ARHGEF3: variants seen among roughly 807,000 people sequenced by gnomAD.
The protein encoded by ARHGEF3 is 59.8 kDA protein.
In ARHGEF3, 28 loss-of-function variants were observed where a neutral mutation model predicts 63.2. That is an observed-to-expected ratio of 0.44 (90% CI 0.33 to 0.61). ARHGEF3 has a LOEUF of 0.61. Ranked by LOEUF, ARHGEF3 falls within the 20% of genes least tolerant of loss-of-function variation. The probability of loss-of-function intolerance (pLI) is 0.03; values close to 1 mark genes in which losing one functional copy is unlikely to be tolerated. For missense variants in ARHGEF3, 533 were observed against 659.3 expected (o/e 0.81, Z 2.10); for synonymous variants, 266 against 254.2 (o/e 1.05, Z -0.44).
intron 1 of ARHGEF3, among the ~76,000 whole-genome samples, chr3:56,798,158 C>T (rs1464844575): frequency 6.6e-6 from 1 of 152,174 alleles, no homozygotes; most frequent in African/African-American, 2.4e-5. Context: ...TTCTCAGGGT[C>T]ATGCAAGGCT....
intron 3 of ARHGEF3, among the ~76,000 whole-genome samples, chr3:56,920,331 A>G (rs939210971): frequency 2.6e-5 from 4 of 152,338 alleles, no homozygotes; most frequent in Non-Finnish European, 5.9e-5. Flanking sequence ...GATTAGCACC[A>G]AAACTGGGAC....
intron 2 of ARHGEF3, among the ~76,000 whole-genome samples, chr3:57,016,054 T>C (rs947744774): frequency 2.0e-5 from 3 of 152,098 alleles, no homozygotes; most frequent in African/African-American, 7.2e-5. Context: ...TACAGGACCC[T>C]AGTGGCACTC....
chr3:56,991,089 T>TGG (rs1701729025), intron 2 of ARHGEF3, among the ~76,000 whole-genome samples: 1 of 152,130 alleles, frequency 6.6e-6, no homozygotes, highest in African/African-American at 2.4e-5. Context: ...CTGCCATGTC[T>TGG]TTTACCGCCC....
chr3:56,900,933 C>G (rs1021732), intron 3 of ARHGEF3, among the ~76,000 whole-genome samples: 148,562 of 152,274 alleles, frequency 0.98, 72,578 homozygotes, highest in East Asian at 1. Flanking sequence ...TGTAAACTGA[C>G]GGAGTTGGCC....
intron 1 of ARHGEF3, among the ~76,000 whole-genome samples, chr3:56,785,783 C>T (rs1476889720): frequency 6.6e-6 from 1 of 152,188 alleles, no homozygotes; most frequent in Non-Finnish European, 1.5e-5. Context: ...AGCTGACAGT[C>T]AGGTCTGTCA....
At chr3:56,840,870 C>G (rs1268118398) in intron 4 of ARHGEF3, among the ~76,000 whole-genome samples, 1 of 152,066 alleles carries the variant, frequency 6.6e-6, no homozygotes, top group Non-Finnish European at 1.5e-5. Context: ...TTCTAGAATG[C>G]TGCTTTATTA....
chr3:56,764,621 A>C (rs1275482738), intron 2 of ARHGEF3, among the ~76,000 whole-genome samples: 2 of 152,162 alleles, frequency 1.3e-5, no homozygotes. Flanking sequence ...CCTATCTTGC[A>C]GAGTTTTGGA....
At chr3:56,821,988 G>C (rs1249825310) in intron 4 of ARHGEF3, among the ~76,000 whole-genome samples, 1 of 126,194 alleles carries the variant, frequency 7.9e-6, no homozygotes, top group East Asian at 2.0e-4. Context: ...GAGAAGAGAA[G>C]AGAAGAGAAG....
intron 4 of ARHGEF3, among the ~76,000 whole-genome samples, chr3:56,844,293 G>A (rs896599099): frequency 2.2e-4 from 34 of 152,156 alleles, no homozygotes; most frequent in African/African-American, 8.0e-4. Context: ...ATATGCTCAA[G>A]GTAAATCCAT....
chr3:56,977,632 G>A (rs1701175056), intron 2 of ARHGEF3, among the ~76,000 whole-genome samples: 1 of 152,104 alleles, frequency 6.6e-6, no homozygotes, highest in Non-Finnish European at 1.5e-5. Context: ...AGGGAGATGG[G>A]GCTCATGGAG....
At chr3:57,074,201 T>C (rs762554629) in intron 1 of ARHGEF3, 1 of 1,614,152 alleles carries the variant, frequency 6.2e-7, no homozygotes, top group Non-Finnish European at 8.5e-7. Context: ...TGACATTTAC[T>C]GAGGGCTGCT....
intron 3 of ARHGEF3, among the ~76,000 whole-genome samples, chr3:56,903,782 T>G (rs1418052058): frequency 6.6e-6 from 1 of 152,162 alleles, no homozygotes; most frequent in Non-Finnish European, 1.5e-5. Context: ...CTCAAGATGC[T>G]TTTATACTTT....
At chr3:56,801,389 G>A (rs551794029) in intron 1 of ARHGEF3, among the ~76,000 whole-genome samples, 2 of 152,376 alleles carry the variant, frequency 1.3e-5, no homozygotes, top group East Asian at 3.9e-4. Context: ...GACAGAAGAT[G>A]GACAGTCTGA....
At chr3:56,974,819 C>T (rs1701059516) in intron 2 of ARHGEF3, among the ~76,000 whole-genome samples, 1 of 152,164 alleles carries the variant, frequency 6.6e-6, no homozygotes, top group Non-Finnish European at 1.5e-5. Flanking sequence ...AGTTTTCTAC[C>T]CTTTAATCAA....
intron 4 of ARHGEF3, among the ~76,000 whole-genome samples, chr3:56,875,966 G>A (rs2040572757): frequency 6.6e-6 from 1 of 152,176 alleles, no homozygotes. Flanking sequence ...GGTAGGGAAT[G>A]GCTGGAGGGA....
chr3:56,815,585 T>G (rs766717785), intron 4 of ARHGEF3, among the ~76,000 whole-genome samples: 5 of 151,998 alleles, frequency 3.3e-5, no homozygotes, highest in Non-Finnish European at 5.9e-5. Flanking sequence ...AAACAAGAGG[T>G]TGAAACAGAG....
intron 2 of ARHGEF3, among the ~76,000 whole-genome samples, chr3:56,971,869 A>T (rs1027351281): frequency 6.6e-6 from 1 of 151,796 alleles, no homozygotes; most frequent in Admixed American, 6.6e-5. Context: ...ATAAAAAAAA[A>T]TTTTAAAAAG....
At chr3:56,854,903 T>G (rs2039815996) in intron 4 of ARHGEF3, among the ~76,000 whole-genome samples, 1 of 152,074 alleles carries the variant, frequency 6.6e-6, no homozygotes, top group South Asian at 2.1e-4. Context: ...AAGGGGTAAC[T>G]GCAAAGGAAT....
At chr3:57,045,112 C>T (rs56080595) in intron 1 of ARHGEF3, among the ~76,000 whole-genome samples, 23,520 of 152,048 alleles carry the variant, frequency 0.15, 2,194 homozygotes, top group Non-Finnish European at 0.22. Flanking sequence ...ACTAAAAATA[C>T]AAAAATTAGC....
Sources: allele counts gnomAD v4.1 joint callset (sites outside exome capture counted in the v4.1 genomes callset), GRCh38; gene constraint gnomAD v4.1.1; transcripts MANE v1.5; gene names NCBI Gene and HGNC (gene_info 2026-07-23, HGNC 2026-07-21).